Variants in RBFOX1 observed in about 807,000 individuals in gnomAD.
RBFOX1 encodes RNA binding fox-1 homolog 1.
Under a neutral mutation model 57.7 loss-of-function variants are expected in RBFOX1, and 8 were observed. The observed-to-expected ratio is 0.14, with a 90% CI of 0.08 to 0.25. The LOEUF (loss-of-function observed/expected upper bound fraction) is 0.25, where lower values mean the gene tolerates loss of function less well. Ranked by LOEUF, RBFOX1 falls within the 10% of genes least tolerant of loss-of-function variation. The pLI is 1.00. For missense variants in RBFOX1, 611 were observed against 548.5 expected (o/e 1.11, Z -1.14); for synonymous variants, 326 against 222.4 (o/e 1.47, Z -4.15).
In RBFOX1 at chr16:7,028,495, G is replaced by C. The variant is rs537340571; in HGVS notation, c.-15-23562G>C. Among the ~76,000 whole-genome samples the C allele has an allele frequency of 9.2e-5, 14 of 151,488 alleles. No homozygotes were observed. The South Asian group carries it at 2.7e-3, about 29-fold the overall frequency. On this transcript the variant is annotated intron_variant, in intron 3 of 15. Transcript: ENST00000550418. ...CCAGCTCCTTGGGAGGCTGAGGCAG[G>C]AGAATCGCTTGAACCCGGGAGGCGG... is the stretch of plus-strand genomic sequence containing the variant.
At chr16:6,678,689 G>C (rs533016406) in intron 3 of RBFOX1, among the ~76,000 whole-genome samples, 2 of 151,830 alleles carry the variant, frequency 1.3e-5, no homozygotes, top group Non-Finnish European at 2.9e-5. Context: ...CAAATGTAGG[G>C]AATCCTTTAA....
chr16:7,621,947 A>T (rs889251262), intron 10 of RBFOX1, among the ~76,000 whole-genome samples: 2 of 152,224 alleles, frequency 1.3e-5, no homozygotes, highest in Non-Finnish European at 2.9e-5. Context: ...CTGTCTTCCA[A>T]TGAAACTTTA....
At chr16:7,523,749 T>A (rs1036213295) in intron 5 of RBFOX1, among the ~76,000 whole-genome samples, 1 of 152,214 alleles carries the variant, frequency 6.6e-6, no homozygotes, top group Admixed American at 6.5e-5. Context: ...GTCTCGTTTT[T>A]TGTTACAAAC....
chr16:5,485,172 C>T (rs1339372590), intron 2 of RBFOX1, among the ~76,000 whole-genome samples: 3 of 151,602 alleles, frequency 2.0e-5, no homozygotes, highest in Non-Finnish European at 4.4e-5. Context: ...TGGAGAAACC[C>T]CGTCTCTACT....
Position 6,107,102 on chromosome 16 carries a change from A to T in RBFOX1, c.-127+87110A>T, listed in dbSNP as rs150797417. On this transcript the variant is annotated intron_variant, in intron 1 of 15. Transcript: ENST00000550418. ...TGCCTCCTCTTATGTTGCTGCTGAG[A>T]TGAACACAGTCCTTGGAAAGTGGTG... is the stretch of plus-strand genomic sequence containing the variant. 1.9e-3 allele frequency among the ~76,000 whole-genome samples: 292 copies of T among 152,324 alleles called. 1 individual carries two copies. The highest frequency in any genetic ancestry group is 6.6e-3 in the African/African-American group (276 of 41,564).
chr16:6,780,212 T>TATATTG (rs2080543711), intron 3 of RBFOX1, among the ~76,000 whole-genome samples: 1 of 16,614 alleles, frequency 6.0e-5, no homozygotes, highest in African/African-American at 2.3e-4. Flanking sequence ...TATATATTTA[T>TATATTG]ATATATTTAT....
chr16:5,428,824 G>C (rs1405812634), intron 1 of RBFOX1, among the ~76,000 whole-genome samples: 1 of 152,186 alleles, frequency 6.6e-6, no homozygotes, highest in African/African-American at 2.4e-5. Flanking sequence ...GACTGTAGCT[G>C]AGTTGGGGAC....
intron 3 of RBFOX1, among the ~76,000 whole-genome samples, chr16:5,849,095 C>T (rs1051451640): frequency 6.6e-6 from 1 of 152,114 alleles, no homozygotes; most frequent in Non-Finnish European, 1.5e-5. Context: ...AGTCCTTGGT[C>T]TTCTAAGAAG....
chr16:6,134,933 G>T (rs917223704), intron 1 of RBFOX1, among the ~76,000 whole-genome samples: 4 of 152,052 alleles, frequency 2.6e-5, no homozygotes, highest in African/African-American at 9.7e-5. Context: ...CCATGTTGGT[G>T]TGCTGCACCC....
intron 3 of RBFOX1, among the ~76,000 whole-genome samples, chr16:6,830,610 C>T (rs7193681): frequency 0.015 from 2,215 of 152,132 alleles, 55 homozygotes; most frequent in African/African-American, 0.051. Flanking sequence ...TGGTAGAGGC[C>T]AAGGGTTCTG....
At chr16:7,235,380 G>A (rs118084759) in intron 4 of RBFOX1, among the ~76,000 whole-genome samples, 1,703 of 152,320 alleles carry the variant, frequency 0.011, 20 homozygotes, top group Middle Eastern at 0.027. Flanking sequence ...CAGGAGGCAA[G>A]AGAATGAGTA....
intron 4 of RBFOX1, among the ~76,000 whole-genome samples, chr16:7,316,247 C>G (rs997753752): frequency 6.6e-6 from 1 of 152,174 alleles, no homozygotes; most frequent in Non-Finnish European, 1.5e-5. Flanking sequence ...TTACATAAGA[C>G]AACTATCTGC....
chr16:5,303,640 C>G (rs1272722350), intron 1 of RBFOX1, among the ~76,000 whole-genome samples: 1 of 152,222 alleles, frequency 6.6e-6, no homozygotes, highest in Non-Finnish European at 1.5e-5. Context: ...TCTCCCCCAC[C>G]ACAGTGCATG....
chr16:5,966,665 C>G (rs1000519227), intron 4 of RBFOX1, among the ~76,000 whole-genome samples: 1 of 152,060 alleles, frequency 6.6e-6, no homozygotes, highest in African/African-American at 2.4e-5. Flanking sequence ...CACCTTTAAA[C>G]GCCCAAAATC....
chr16:6,923,936 G>A (rs1010359301), intron 3 of RBFOX1, among the ~76,000 whole-genome samples: 1 of 152,012 alleles, frequency 6.6e-6, no homozygotes, highest in Non-Finnish European at 1.5e-5. Flanking sequence ...TTTGGAGGCT[G>A]AGTCAGGCAG....
At chr16:6,475,058 G>T (rs1597774668) in intron 2 of RBFOX1, among the ~76,000 whole-genome samples, 2 of 152,176 alleles carry the variant, frequency 1.3e-5, no homozygotes, top group East Asian at 1.9e-4. Context: ...CCAATTGTGT[G>T]CTTATAATGT....
At chr16:7,356,927 G>T (rs987252980) in intron 4 of RBFOX1, among the ~76,000 whole-genome samples, 1 of 152,192 alleles carries the variant, frequency 6.6e-6, no homozygotes, top group Non-Finnish European at 1.5e-5. Context: ...GCAGGGGAAA[G>T]AAGATTGAGA....
At chr16:7,326,797 AC>A (rs1432829626) in intron 4 of RBFOX1, among the ~76,000 whole-genome samples, 1 of 151,978 alleles carries the variant, frequency 6.6e-6, no homozygotes, top group Non-Finnish European at 1.5e-5. Context: ...GGCTTTTCCT[AC>A]TGTTGTGATG....
intron 3 of RBFOX1, among the ~76,000 whole-genome samples, chr16:7,039,272 C>G (rs1008983409): frequency 6.6e-6 from 1 of 152,262 alleles, no homozygotes; most frequent in African/African-American, 2.4e-5. Flanking sequence ...CTACTTAGTA[C>G]TTAGCCTTGA....
Sources: gnomAD v4.1 joint callset for allele counts (sites outside exome capture counted in the v4.1 genomes callset) on GRCh38, gnomAD v4.1.1 for gene constraint, MANE v1.5 for transcripts, NCBI Gene and HGNC (gene_info 2026-07-23, HGNC 2026-07-21) for gene names.